Variants in COL21A1 observed in about 807,000 individuals in gnomAD.
The protein encoded by COL21A1 is collagen type XXI alpha 1 chain.
In COL21A1, 149 loss-of-function variants were observed where a neutral mutation model predicts 137.9. The ratio of observed to expected loss-of-function variants is 1.08; its 90% CI spans 0.95 to 1.24. The LOEUF (loss-of-function observed/expected upper bound fraction) is 1.24. Ranked by LOEUF, COL21A1 falls within the 50% of genes most tolerant of loss-of-function variation. The pLI, the probability that COL21A1 is intolerant of heterozygous loss-of-function variation, is 0.00. For missense variants in COL21A1, 1,167 were observed against 1,158.4 expected, an observed-to-expected ratio of 1.01 and a Z score of -0.11; for synonymous variants, 456 against 391.5, an observed-to-expected ratio of 1.16 and a Z score of -1.95.
At chr6:56,387,632 A>T (rs1401098004) in intron 1 of COL21A1, among the ~76,000 whole-genome samples, 3 of 152,134 alleles carry the variant, frequency 2.0e-5, no homozygotes, top group African/African-American at 4.8e-5. Context: ...GACCTAAGTG[A>T]GTGTGTGGGA....
chr6:56,345,904 C>G (rs1332005034), intron 1 of COL21A1, among the ~76,000 whole-genome samples: 1 of 152,218 alleles, frequency 6.6e-6, no homozygotes, highest in Non-Finnish European at 1.5e-5. Flanking sequence ...AGGGGCCAGA[C>G]TGAGTCAACC....
intron 9 of COL21A1, among the ~76,000 whole-genome samples, chr6:56,159,568 T>C (rs954493011): frequency 6.6e-6 from 1 of 151,786 alleles, no homozygotes; most frequent in African/African-American, 2.4e-5. Context: ...CCTGACCTCA[T>C]GATCCATCCA....
Position 56,120,253 on chromosome 6 carries a change from A to G in COL21A1, c.1758+3809T>C, listed in dbSNP as rs144835330. 1.0e-3 allele frequency among the ~76,000 whole-genome samples: 159 copies of G among 152,370 alleles called. 2 individuals carry two copies. Among genetic ancestry groups the G allele is most frequent in the African/African-American group, 3.7e-3 (152 of 41,600 alleles). ...AGATGGGCAAAATATTTGAATAGAC[A>G]TTACTCAAAAGAAGACATACAAATG... On this transcript the variant is annotated intron_variant, in intron 16 of 29. Coordinates refer to ENST00000244728, the MANE Select transcript of COL21A1 (RefSeq NM_030820.4).
intron 1 of COL21A1, among the ~76,000 whole-genome samples, chr6:56,190,020 C>T (rs1778554815): frequency 6.6e-6 from 1 of 151,990 alleles, no homozygotes; most frequent in Non-Finnish European, 1.5e-5. Flanking sequence ...AAAACATACA[C>T]AATTGTAAAG....
At chr6:56,166,724 C>T in intron 7 of COL21A1, 182 bp downstream of exon 7, 3 of 686,000 alleles carry the variant, frequency 4.4e-6, no homozygotes, top group South Asian at 1.6e-5. Flanking sequence ...TGACACATAA[C>T]AATCTCATTT....
At chr6:56,340,116 C>A (rs1582792910) in intron 1 of COL21A1, among the ~76,000 whole-genome samples, 1 of 152,136 alleles carries the variant, frequency 6.6e-6, no homozygotes, top group Non-Finnish European at 1.5e-5. Flanking sequence ...AAATATTTTT[C>A]TTTAGAGATA....
At chr6:56,352,874 C>G (rs1765742597) in intron 1 of COL21A1, among the ~76,000 whole-genome samples, 1 of 152,070 alleles carries the variant, frequency 6.6e-6, no homozygotes, top group African/African-American at 2.4e-5. Flanking sequence ...AACCCTATCT[C>G]TACTAAAAAT....
chr6:56,253,051 A>C (rs1427172786), intron 1 of COL21A1, among the ~76,000 whole-genome samples: 1 of 152,198 alleles, frequency 6.6e-6, no homozygotes, highest in Non-Finnish European at 1.5e-5. Context: ...GAACAATCCC[A>C]GTTTCCAGAC....
chr6:56,316,477 C>CTTTTTTTTTTT lies in COL21A1; in HGVS notation c.-39+77483_-39+77493dup, dbSNP rs60388494. Among the ~76,000 whole-genome samples, 353 of 75,780 alleles carry CTTTTTTTTTTT rather than the reference C, an allele frequency of 4.7e-3. 62 individuals carry two copies. Among genetic ancestry groups the CTTTTTTTTTTT allele is most frequent in the Middle Eastern group, 0.023 (1 of 44 alleles). 49.7% of individuals were successfully genotyped at this position (75,780 alleles called of 152,430 possible). A position where few individuals can be genotyped will look rare whatever the true frequency, so the allele number is the denominator to read the frequency against. On this transcript the variant is annotated intron_variant, in intron 1 of 28. Coordinates refer to the COL21A1 transcript ENST00000370819. ...CACACCTTTTAAAATTCTAAATAGA[C>CTTTTTTTTTTT]TTTTTTTTTTTTTTTTTTTTTTGAG...
intron 12 of COL21A1, among the ~76,000 whole-genome samples, chr6:56,140,854 T>C (rs915160008): frequency 6.6e-6 from 1 of 152,178 alleles, no homozygotes; most frequent in Non-Finnish European, 1.5e-5. Flanking sequence ...AGACCTTGCA[T>C]AAATATACAT....
intron 3 of COL21A1, among the ~76,000 whole-genome samples, chr6:56,171,592 A>C (rs183313249): frequency 6.6e-6 from 1 of 152,094 alleles, no homozygotes; most frequent in Admixed American, 6.5e-5. Context: ...TTGCATTCTT[A>C]GCATTTAAGG....
intron 1 of COL21A1, among the ~76,000 whole-genome samples, chr6:56,239,958 G>A (rs1782173600): frequency 6.6e-6 from 1 of 152,112 alleles, no homozygotes; most frequent in Non-Finnish European, 1.5e-5. Context: ...CCTGGTGGGA[G>A]ATAATTGAAT....
At position 56,364,672 on chromosome 6, in the gene COL21A1, A is replaced by C. The variant is rs534937914; in HGVS notation, c.-39+29299T>G. ...TATCTTGCCTGGCTTTAGGGCAACA[A>C]TTTACTTCTCCCTCAGTAAAGACTA... On this transcript the variant is annotated intron_variant, in intron 1 of 28. Transcript: ENST00000370819. Among the ~76,000 whole-genome samples the C allele has an allele frequency of 2.0e-5, 3 of 151,848 alleles. No individual in the cohort carries two copies. In the South Asian group the frequency reaches 6.2e-4, roughly 32 times the overall value.
At chr6:56,246,956 T>C (rs1582728434) in intron 1 of COL21A1, among the ~76,000 whole-genome samples, 1 of 152,202 alleles carries the variant, frequency 6.6e-6, no homozygotes, top group Non-Finnish European at 1.5e-5. Context: ...GAGTCCATAA[T>C]GCAGCAGCCG....
At chr6:56,124,176 A>C in intron 15 of COL21A1, 61 bp from the exon 16 acceptor site, 2 of 1,536,758 alleles carry the variant, frequency 1.3e-6, no homozygotes, top group Middle Eastern at 3.4e-4. Flanking sequence ...CTTTAAAGAC[A>C]GATACTATAA....
rs371620381 is a variant in COL21A1, at chr6:56,170,328, C to T, written c.1026+321G>A. Among the ~76,000 whole-genome samples the T allele has an allele frequency of 8.6e-5, 13 of 151,838 alleles. No individual in the cohort carries two copies. In the East Asian group the frequency reaches 1.2e-3, roughly 14 times the overall value. ...TTAGCTGTTCTATTTTGAGGGAGAA[C>T]TTAACATCCTTGAATATTAGTTTGT... On this transcript the variant is annotated intron_variant, in intron 5 of 29. Transcript: ENST00000244728.
chr6:56,203,542 G>A (rs1481551894), intron 1 of COL21A1, among the ~76,000 whole-genome samples: 2 of 152,176 alleles, frequency 1.3e-5, no homozygotes, highest in Non-Finnish European at 2.9e-5. Context: ...TGAGACATAA[G>A]ACAGATATCT....
intron 10 of COL21A1, among the ~76,000 whole-genome samples, chr6:56,155,793 G>A (rs1387452283): frequency 1.3e-5 from 2 of 152,044 alleles, no homozygotes; most frequent in African/African-American, 2.4e-5. Flanking sequence ...AATAGAGATG[G>A]GGTTTCACCA....
chr6:56,070,189 A>C (rs920709879), intron 21 of COL21A1, among the ~76,000 whole-genome samples: 1 of 151,576 alleles, frequency 6.6e-6, no homozygotes, highest in African/African-American at 2.4e-5. Context: ...CTGTAACATC[A>C]ACTAAAGATC....
Sources: gnomAD v4.1 joint callset for allele counts (sites outside exome capture counted in the v4.1 genomes callset) on GRCh38, gnomAD v4.1.1 for gene constraint, MANE v1.5 for transcripts, NCBI Gene and HGNC (gene_info 2026-07-23, HGNC 2026-07-21) for gene names.